The following CATSPERD variants were observed in gnomAD, a reference collection of about 807,000 sequenced individuals.
CATSPERD encodes the protein cation channel sperm-associated auxiliary subunit delta.
Under a neutral mutation model 98.1 loss-of-function variants are expected in CATSPERD, and 86 were observed. That is an observed-to-expected ratio of 0.88 (90% CI 0.74 to 1.05). The LOEUF (loss-of-function observed/expected upper bound fraction) is 1.05, where lower values mean the gene tolerates loss of function less well. Among genes scored for constraint, CATSPERD ranks in the 50% least tolerant of loss-of-function variants. The pLI is 0.00. For missense variants in CATSPERD, 995 were observed against 1,005.7 expected (o/e 0.99, Z 0.14); for synonymous variants, 394 against 390.2 (o/e 1.01, Z -0.12).
In CATSPERD at chr19:5,744,493, G is replaced by C; in HGVS notation, c.640G>C (p.Val214Leu). ...FFSLSQVAML[V>L]VNQGKGMFKY... ...TTCTTTGTCACAGGTTGCGATGCTT[G>C]TAGTGAATCAAGGGAAGGTAAGTAA... The change falls in exon 8 of 22, where the codon GTA becomes CTA. Residue 214 changes from valine to leucine, a missense_variant. Transcript: ENST00000381624. 6.2e-7 allele frequency: 1 copy of C among 1,612,216 alleles called. No homozygotes were observed.
Position 5,720,715 on chromosome 19 carries a change from G to A in CATSPERD, c.-23G>A, listed in dbSNP as rs1467416202. 2.5e-6 allele frequency: 4 copies of A among 1,603,792 alleles called. No homozygotes were observed. Among genetic ancestry groups the A allele is most frequent in the African/African-American group, 2.7e-5 (2 of 74,908 alleles). On this transcript the variant is annotated 5_prime_UTR_variant, in exon 1 of 22. Coordinates refer to ENST00000381624, the MANE Select transcript of CATSPERD (RefSeq NM_152784.4). Reference sequence around the variant, plus strand: ...CTCCCCGTGGCGGTTGAGGGGCAGTGGTGGCGGCGGAAGCCCAAGTCGATG... The same window carrying A: ...CTCCCCGTGGCGGTTGAGGGGCAGTAGTGGCGGCGGAAGCCCAAGTCGATG...
chr19:5,766,583 A>C (rs2056543176), intron 17 of CATSPERD, among the ~76,000 whole-genome samples: 2 of 151,406 alleles, frequency 1.3e-5, no homozygotes, highest in African/African-American at 4.8e-5. Flanking sequence ...TCGATTATTT[A>C]GTTTTGTATA....
intron 7 of CATSPERD, 149 bp downstream of exon 7, chr19:5,739,588 T>A: frequency 1.9e-6 from 1 of 516,148 alleles, no homozygotes; most frequent in Non-Finnish European, 3.4e-6. Context: ...TCCCAGCACT[T>A]TGGGAGGCTG....
chr19:5,754,391 G>GTAT, intron 13 of CATSPERD, 146 bp downstream of exon 13: 3 of 273,746 alleles, frequency 1.1e-5, no homozygotes, highest in Non-Finnish European at 2.0e-5. Context: ...TTGTCTCTGT[G>GTAT]TCTTTTTTTT....
At chr19:5,754,519 C>G (rs2056288595) in intron 13 of CATSPERD, among the ~76,000 whole-genome samples, 1 of 151,328 alleles carries the variant, frequency 6.6e-6, no homozygotes, top group Non-Finnish European at 1.5e-5. Flanking sequence ...CTGCCTCAGC[C>G]TCCCGAGTAG....
intron 9 of CATSPERD, among the ~76,000 whole-genome samples, chr19:5,747,169 CTTTTTTTTTTTT>C (rs748726369): frequency 9.5e-6 from 1 of 105,774 alleles, no homozygotes; most frequent in Non-Finnish European, 1.9e-5. Context: ...AATGGTTTCC[CTTTTTTTTTTTT>C]TTTTTTTTTG....
At chr19:5,759,050 C>T (rs377068079) in intron 14 of CATSPERD, 36 bp from the exon 15 acceptor site, 203 of 1,598,728 alleles carry the variant, frequency 1.3e-4, no homozygotes, top group Non-Finnish European at 1.6e-4. Context: ...TGGTGTTCCA[C>T]GGATACACTT....
Position 5,768,166 on chromosome 19 carries a change from A to C in CATSPERD, c.1560-2A>C. 6.2e-7 allele frequency: 1 copy of C among 1,613,102 alleles called. No individual in the cohort carries two copies. The highest frequency in any genetic ancestry group is 8.5e-7 in the Non-Finnish European group (1 of 1,179,394). The stretch of plus-strand genomic sequence containing the variant: ...TTGCTCAATGTCCACTTTTGCTTGC[A>C]GCAAAGTTTCCGCCTGTTCCATGGG... On this transcript the variant is annotated splice_acceptor_variant, in intron 17 of 21. Transcript: ENST00000381624. LOFTEE classifies it high-confidence loss of function.
Position 5,770,976 on chromosome 19 carries a change from A to G in CATSPERD, c.1667A>G (p.Gln556Arg). ...EFYDPGFQGQ[Q>R]SSEDLHVFYS... ...TACGACCCCGGCTTCCAGGGGCAGC[A>G]GTCCTCCGAGGACCTGCACGTGTTT... Residue 556 changes from glutamine to arginine, a missense_variant, in exon 19 of 22, where the codon CAG becomes CGG. Gln to Arg is a conservative substitution (Grantham distance 43). Coordinates refer to ENST00000381624, the MANE Select transcript of CATSPERD (RefSeq NM_152784.4). 1 of 1,613,250 alleles carries G rather than the reference A, an allele frequency of 6.2e-7. No homozygotes were observed. The highest frequency in any genetic ancestry group is 8.5e-7 in the Non-Finnish European group (1 of 1,179,618).
intron 19 of CATSPERD, chr19:5,772,516 C>G: frequency 2.5e-6 from 1 of 394,440 alleles, no homozygotes; most frequent in Middle Eastern, 7.3e-4. Context: ...CGTGAGCCGC[C>G]GCGCCTAGCT....
intron 13 of CATSPERD, among the ~76,000 whole-genome samples, chr19:5,754,901 A>G (rs1335975046): frequency 7.5e-5 from 11 of 145,836 alleles, no homozygotes; most frequent in Admixed American, 2.1e-4. Flanking sequence ...CTGGAGTGCA[A>G]TGGCACGATC....
chr19:5,772,514 G>A (rs1465907743), intron 19 of CATSPERD: 14 of 382,872 alleles, frequency 3.7e-5, no homozygotes, highest in East Asian at 2.3e-4. Flanking sequence ...GGCGTGAGCC[G>A]CCGCGCCTAG....
chr19:5,735,774 A>ATTTTT (rs34107835), intron 5 of CATSPERD, among the ~76,000 whole-genome samples: 1 of 102,060 alleles, frequency 9.8e-6, no homozygotes. Context: ...TGCCCGGCTA[A>ATTTTT]TTTTTTTTTT....
Position 5,726,275 on chromosome 19 carries a change from T to C in CATSPERD, c.127-993T>C, listed in dbSNP as rs547088027. 1.2e-4 allele frequency among the ~76,000 whole-genome samples: 19 copies of C among 152,196 alleles called. 2 individuals carry two copies. Among genetic ancestry groups the C allele is most frequent in the Admixed American group, 1.2e-3 (19 of 15,276 alleles). ...CGGGGTTTCACCATGTTGGCCCTGC[T>C]GGTCTCAAACTCCCTCCTGACCTCA... On this transcript the variant is annotated intron_variant, in intron 2 of 21. Coordinates refer to ENST00000381624, the MANE Select transcript of CATSPERD (RefSeq NM_152784.4).
intron 7 of CATSPERD, among the ~76,000 whole-genome samples, chr19:5,742,209 CATGTGTGTACATGTGTGT>C (rs1305800762): frequency 2.5e-4 from 12 of 47,760 alleles, no homozygotes; most frequent in African/African-American, 5.6e-4. Flanking sequence ...TACATGTGTG[CATGTGTGTACATGTGTGT>C]GCGTGTGTGT....
Position 5,748,358 on chromosome 19 carries a change from C to T in CATSPERD, c.904+103C>T, listed in dbSNP as rs2056136287. 44 of 1,081,712 alleles carry T rather than the reference C, an allele frequency of 4.1e-5. No individual in the cohort carries two copies. The South Asian group carries it at 4.2e-4, about 10-fold the overall frequency. 67.0% of individuals were successfully genotyped at this position (1,081,712 alleles called of 1,614,324 possible). ...GCCAAAACACGAAATCAGCTGGGCGCGGTGGCTCATGCCTGTAATTCCAGC... is the reference window on the plus strand; with the variant it reads ...GCCAAAACACGAAATCAGCTGGGCGTGGTGGCTCATGCCTGTAATTCCAGC... On this transcript the variant is annotated intron_variant, in intron 10 of 21. Transcript: ENST00000381624.
intron 15 of CATSPERD, among the ~76,000 whole-genome samples, chr19:5,760,661 G>A (rs929648549): frequency 7.2e-5 from 11 of 152,016 alleles, no homozygotes; most frequent in African/African-American, 2.7e-4. Flanking sequence ...TTCTGGAGAT[G>A]GATGGTGGTG....
intron 21 of CATSPERD, among the ~76,000 whole-genome samples, chr19:5,778,069 G>T (rs914712082): frequency 1.3e-5 from 2 of 151,108 alleles, no homozygotes; most frequent in Non-Finnish European, 2.9e-5. Flanking sequence ...AGCCAGGCAT[G>T]GTTGGCAGGT....
intron 21 of CATSPERD, among the ~76,000 whole-genome samples, chr19:5,777,324 CAT>C (rs550663991): frequency 4.7e-4 from 71 of 152,254 alleles, no homozygotes; most frequent in East Asian, 3.9e-4. Flanking sequence ...AGAGAGGAGA[CAT>C]GTGTGGGACT....
Sources: allele counts gnomAD v4.1 joint callset (sites outside exome capture counted in the v4.1 genomes callset), GRCh38; gene constraint gnomAD v4.1.1; transcripts MANE v1.5; gene names NCBI Gene and HGNC (gene_info 2026-07-23, HGNC 2026-07-21).